CLEC12A: variants seen among roughly 807,000 people sequenced by gnomAD.
CLEC12A encodes the protein C-type lectin protein CLL-1.
In CLEC12A, 22 loss-of-function variants were observed where a neutral mutation model predicts 26.5. That is an observed-to-expected ratio of 0.83 (90% CI 0.59 to 1.19). CLEC12A has a LOEUF of 1.19. CLEC12A is among the 50% of genes most tolerant of loss of function. The probability of loss-of-function intolerance (pLI) is 0.00; values close to 1 mark genes in which losing one functional copy is unlikely to be tolerated. For missense variants in CLEC12A, 353 were observed against 315.6 expected (o/e 1.12, Z -0.90); for synonymous variants, 119 against 101.9 (o/e 1.17, Z -1.01).
intron 4 of CLEC12A, chr12:9,993,323 A>C (rs770823203): frequency 1.3e-6 from 2 of 1,572,810 alleles, no homozygotes; most frequent in Non-Finnish European, 8.7e-7. Context: ...TCCTTTGAAA[A>C]CTGAGCAAAC....
intron 1 of CLEC12A, among the ~76,000 whole-genome samples, chr12:9,963,684 G>C (rs935690943): frequency 2.0e-5 from 3 of 152,184 alleles, no homozygotes; most frequent in African/African-American, 7.2e-5. Context: ...GCATGTACCT[G>C]TCCAATTAGC....
At chr12:9,980,766 A>G in intron 4 of CLEC12A, 33 bp downstream of exon 4, 1 of 1,607,324 alleles carries the variant, frequency 6.2e-7, no homozygotes, top group Non-Finnish European at 8.5e-7. Context: ...ATCATGGGAT[A>G]GAGAGGGGTG....
downstream of CLEC12A, among the ~76,000 whole-genome samples, chr12:9,986,425 C>CTTT (rs34362416): frequency 9.7e-6 from 1 of 102,876 alleles, no homozygotes. Flanking sequence ...CCCCCCCCCC[C>CTTT]TTTTTTTCTA....
chr12:9,988,668 C>T (rs1864824659), downstream of CLEC12A, among the ~76,000 whole-genome samples: 1 of 152,146 alleles, frequency 6.6e-6, no homozygotes, highest in African/African-American at 2.4e-5. Flanking sequence ...AATGAGATAC[C>T]ATCCCACACC....
At chr12:9,962,147 G>T (rs980425335) in intron 1 of CLEC12A, among the ~76,000 whole-genome samples, 1 of 151,998 alleles carries the variant, frequency 6.6e-6, no homozygotes, top group Admixed American at 6.6e-5. Flanking sequence ...TAGCCCTGGG[G>T]TATTTCACTA....
At chr12:9,962,413 T>G (rs1248998797) in intron 1 of CLEC12A, among the ~76,000 whole-genome samples, 1 of 152,168 alleles carries the variant, frequency 6.6e-6, no homozygotes, top group African/African-American at 2.4e-5. Flanking sequence ...TCTTCATTTC[T>G]TTCCCTTTTT....
chr12:9,951,409 A>G (rs1863606907), intron 1 of CLEC12A: 2 of 702,652 alleles, frequency 2.8e-6, no homozygotes, highest in Non-Finnish European at 5.2e-6. Context: ...TCAATTTGAG[A>G]AATTCTGAAG....
chr12:9,997,231 C>A (rs747895438), downstream of CLEC12A: 3 of 1,613,612 alleles, frequency 1.9e-6, no homozygotes, highest in Non-Finnish European at 2.5e-6. Flanking sequence ...TTGCAGAGTT[C>A]CTGTGCGATT....
At chr12:9,956,091 G>A (rs972827823) in intron 1 of CLEC12A, among the ~76,000 whole-genome samples, 33 of 152,170 alleles carry the variant, frequency 2.2e-4, no homozygotes, top group African/African-American at 7.7e-4. Context: ...TGGAGATATA[G>A]ATCTGAGAAG....
chr12:9,956,012 A>G (rs1248144015), intron 1 of CLEC12A, among the ~76,000 whole-genome samples: 1 of 152,238 alleles, frequency 6.6e-6, no homozygotes, highest in East Asian at 1.9e-4. Context: ...GTTGAAGGAG[A>G]TAGTTTCATT....
intron 1 of CLEC12A, among the ~76,000 whole-genome samples, chr12:9,973,650 G>T (rs7309256): frequency 0.33 from 49,151 of 150,778 alleles, 8,665 homozygotes; most frequent in African/African-American, 0.45. Context: ...ACTTTTTTTT[G>T]TTGTTATTTA....
chr12:9,998,175 A>C, downstream of CLEC12A: 1 of 811,296 alleles, frequency 1.2e-6, no homozygotes, highest in Non-Finnish European at 2.2e-6. Context: ...ACAACTGTAG[A>C]AGTGATAAAC....
chr12:9,975,355 G>T (rs1413912575), intron 1 of CLEC12A, among the ~76,000 whole-genome samples: 1 of 152,040 alleles, frequency 6.6e-6, no homozygotes, highest in Non-Finnish European at 1.5e-5. Context: ...GACAAAAATG[G>T]TGATAAGGCT....
At chr12:9,960,697 TTTTG>T (rs1863813860) in intron 1 of CLEC12A, among the ~76,000 whole-genome samples, 1 of 152,046 alleles carries the variant, frequency 6.6e-6, no homozygotes, top group South Asian at 2.1e-4. Context: ...TTACAGTTGT[TTTTG>T]TTTGTTTTGC....
chr12:9,972,748 A>G (rs1402564578), intron 1 of CLEC12A, among the ~76,000 whole-genome samples: 1 of 152,196 alleles, frequency 6.6e-6, no homozygotes, highest in Non-Finnish European at 1.5e-5. Context: ...TTGAGAAAGG[A>G]TAGCAGATTA....
the CLEC12A span, among the ~76,000 whole-genome samples, chr12:10,002,632 C>T: frequency 4.0e-5 from 6 of 151,716 alleles, no homozygotes; most frequent in African/African-American, 1.2e-4. Flanking sequence ...TTAATAGAGA[C>T]GGGGTTTCAC....
rs762440051 is a variant in CLEC12A, at chr12:9,985,243, A to G, written c.*217A>G. The G allele has an allele frequency of 1.1e-4, 49 of 445,330 alleles. No homozygotes were observed. The highest frequency in any genetic ancestry group is 1.7e-4 in the Non-Finnish European group (45 of 268,276). 27.6% of individuals were successfully genotyped at this position (445,330 alleles called of 1,614,324 possible). ...AAGCATGTCCCACCTCCCACTTTCC[A>G]TCATGGCCTGAACCCTGGAGGAAGA... On this transcript the variant is annotated 3_prime_UTR_variant, in exon 6 of 6. Transcript: ENST00000304361.
downstream of CLEC12A, among the ~76,000 whole-genome samples, chr12:9,989,648 A>T (rs1001517276): frequency 6.6e-6 from 1 of 152,262 alleles, no homozygotes; most frequent in African/African-American, 2.4e-5. Flanking sequence ...CATAAAAATG[A>T]AAGATGAAGC....
the CLEC12A span, among the ~76,000 whole-genome samples, chr12:10,003,351 G>C: frequency 6.6e-6 from 1 of 152,152 alleles, no homozygotes; most frequent in African/African-American, 2.4e-5. Context: ...AATTACAGCA[G>C]AGCATTTGTT....
Sources: allele counts gnomAD v4.1 joint callset (sites outside exome capture counted in the v4.1 genomes callset), GRCh38; gene constraint gnomAD v4.1.1; transcripts MANE v1.5; gene names NCBI Gene and HGNC (gene_info 2026-07-23, HGNC 2026-07-21).